Variants in ELMO1 observed in about 807,000 individuals in gnomAD.
ELMO1 encodes the protein engulfment and cell motility 1, also known as engulfment and cell motility protein 1.
ELMO1 carries 26 observed loss-of-function variants against 98.9 expected under a neutral mutation model. That is an observed-to-expected ratio of 0.26 (90% CI 0.19 to 0.36). The LOEUF (loss-of-function observed/expected upper bound fraction) is 0.36. ELMO1 is among the 10% of genes least tolerant of loss of function. The pLI, the probability that ELMO1 is intolerant of heterozygous loss-of-function variation, is 1.00. For synonymous variants in ELMO1, 346 were observed against 346.0 expected, an observed-to-expected ratio of 1.00 and a Z score of 0.00; for missense variants, 627 against 935.2, an observed-to-expected ratio of 0.67 and a Z score of 4.30.
At chr7:37,252,126 G>T (rs943456843) in intron 6 of ELMO1, among the ~76,000 whole-genome samples, 1 of 152,104 alleles carries the variant, frequency 6.6e-6, no homozygotes, top group African/African-American at 2.4e-5. Context: ...TGGATAGAAA[G>T]AATCAATATC....
At chr7:37,309,662 G>C (rs996983189) in intron 4 of ELMO1, among the ~76,000 whole-genome samples, 5 of 152,208 alleles carry the variant, frequency 3.3e-5, no homozygotes, top group Non-Finnish European at 7.3e-5. Flanking sequence ...GCCTGCCCTA[G>C]AGAAAGCTCT....
intron 14 of ELMO1, among the ~76,000 whole-genome samples, chr7:37,119,176 T>C (rs567637649): frequency 6.6e-6 from 1 of 152,222 alleles, no homozygotes. Context: ...ATCATTGATG[T>C]TTAGCTCCCT....
intron 14 of ELMO1, among the ~76,000 whole-genome samples, chr7:37,120,345 G>A (rs2541105): frequency 0.096 from 14,672 of 152,316 alleles, 873 homozygotes; most frequent in African/African-American, 0.16. Context: ...CACCCGACAA[G>A]CGCAAGGGGT....
intron 16 of ELMO1, among the ~76,000 whole-genome samples, chr7:36,968,035 T>C (rs1277331273): frequency 6.6e-6 from 1 of 152,194 alleles, no homozygotes; most frequent in Non-Finnish European, 1.5e-5. Context: ...GAAAGAAATA[T>C]AAAAATAAAA....
intron 2 of ELMO1, among the ~76,000 whole-genome samples, chr7:37,334,800 T>C (rs1583573519): frequency 1.3e-5 from 2 of 152,230 alleles, no homozygotes; most frequent in Non-Finnish European, 2.9e-5. Flanking sequence ...AAATATGCTA[T>C]AGAAATATGG....
chr7:37,196,354 C>T (rs1791963168), intron 13 of ELMO1, among the ~76,000 whole-genome samples: 1 of 152,210 alleles, frequency 6.6e-6, no homozygotes, highest in Admixed American at 6.5e-5. Context: ...TTTATAGCAT[C>T]CCTGGAAAAC....
At chr7:36,982,834 G>A (rs764164820) in intron 16 of ELMO1, among the ~76,000 whole-genome samples, 5 of 152,158 alleles carry the variant, frequency 3.3e-5, no homozygotes, top group Admixed American at 6.5e-5. Flanking sequence ...GATAGAAGGG[G>A]AGATGCAGTG....
chr7:37,074,324 C>A (rs1797444440), intron 15 of ELMO1, among the ~76,000 whole-genome samples: 1 of 151,898 alleles, frequency 6.6e-6, no homozygotes, highest in African/African-American at 2.4e-5. Flanking sequence ...GTGGGTAAAA[C>A]AGCTTTATTA....
At chr7:37,446,896 G>C (rs1458826562) in intron 1 of ELMO1, among the ~76,000 whole-genome samples, 1 of 152,142 alleles carries the variant, frequency 6.6e-6, no homozygotes, top group Non-Finnish European at 1.5e-5. Flanking sequence ...TCCAGAGATA[G>C]GAAATGTACA....
At chr7:37,275,910 T>C (rs1395163963) in intron 4 of ELMO1, among the ~76,000 whole-genome samples, 1 of 152,254 alleles carries the variant, frequency 6.6e-6, no homozygotes, top group Non-Finnish European at 1.5e-5. Flanking sequence ...TTTTTCACCA[T>C]ATGCTGATGA....
At chr7:36,969,262 C>T (rs1224398192) in intron 16 of ELMO1, among the ~76,000 whole-genome samples, 1 of 151,692 alleles carries the variant, frequency 6.6e-6, no homozygotes, top group Non-Finnish European at 1.5e-5. Context: ...TCAATATGTA[C>T]CTATTAGTTG....
chr7:37,340,172 A>G (rs1036887550), intron 2 of ELMO1, among the ~76,000 whole-genome samples: 9 of 152,188 alleles, frequency 5.9e-5, no homozygotes, highest in Admixed American at 4.6e-4. Context: ...TGGATTACGA[A>G]CTGTGAATTT....
chr7:37,344,579 A>G lies in ELMO1; in HGVS notation c.-73-1816T>C, dbSNP rs757487754. Among the ~76,000 whole-genome samples, 3 of 152,238 alleles carry G rather than the reference A, an allele frequency of 2.0e-5. No homozygotes were observed. The East Asian group carries it at 5.8e-4, about 29-fold the overall frequency. ...GCACATATGCAAGTACATCCTTACAATAGATTCACAGAACTGAAACTGCTG... is the reference window on the plus strand; with the variant it reads ...GCACATATGCAAGTACATCCTTACAGTAGATTCACAGAACTGAAACTGCTG... On this transcript the variant is annotated intron_variant, in intron 1 of 21. Transcript: ENST00000310758.
At chr7:37,357,795 G>A (rs1801547787) in intron 1 of ELMO1, among the ~76,000 whole-genome samples, 1 of 152,230 alleles carries the variant, frequency 6.6e-6, no homozygotes, top group Non-Finnish European at 1.5e-5. Context: ...CAGGGTACAT[G>A]CTATCAGCAT....
chr7:36,946,308 G>T (rs1388810831), intron 16 of ELMO1, among the ~76,000 whole-genome samples: 4 of 152,178 alleles, frequency 2.6e-5, no homozygotes, highest in African/African-American at 9.7e-5. Context: ...CACTAGAAAG[G>T]GAGACTGGGG....
chr7:37,139,373 T>C (rs1427368788), intron 13 of ELMO1, among the ~76,000 whole-genome samples: 2 of 152,224 alleles, frequency 1.3e-5, no homozygotes, highest in Non-Finnish European at 2.9e-5. Context: ...TTCAGTAAAG[T>C]TTTAGGATAC....
chr7:37,163,788 C>T (rs1789416764), intron 13 of ELMO1, among the ~76,000 whole-genome samples: 1 of 152,276 alleles, frequency 6.6e-6, no homozygotes, highest in Admixed American at 6.5e-5. Flanking sequence ...AATAGTGCCG[C>T]AATAAACATA....
intron 17 of ELMO1, among the ~76,000 whole-genome samples, chr7:36,894,253 C>T (rs1025620597): frequency 1.3e-5 from 2 of 152,170 alleles, no homozygotes; most frequent in Admixed American, 1.3e-4. Context: ...GCAATGGTTG[C>T]AAGTGGCATT....
chr7:37,382,479 C>T (rs545573065), intron 1 of ELMO1, among the ~76,000 whole-genome samples: 1 of 152,206 alleles, frequency 6.6e-6, no homozygotes, highest in South Asian at 2.1e-4. Flanking sequence ...TTTTTAAAAG[C>T]AGAAACAGGA....
Sources: gnomAD v4.1 joint callset for allele counts (sites outside exome capture counted in the v4.1 genomes callset) on GRCh38, gnomAD v4.1.1 for gene constraint, MANE v1.5 for transcripts, NCBI Gene and HGNC (gene_info 2026-07-23, HGNC 2026-07-21) for gene names.